The following ANXA4 variants were observed in gnomAD, a reference collection of about 807,000 sequenced individuals.
ANXA4 encodes 35-beta calcimedin.
In ANXA4, 39 loss-of-function variants were observed where a neutral mutation model predicts 49.8. The ratio of observed to expected loss-of-function variants is 0.78; its 90% confidence interval spans 0.61 to 1.02. The LOEUF is 1.02. Among genes scored for constraint, ANXA4 ranks in the 50% least tolerant of loss-of-function variants. The pLI, the probability that ANXA4 is intolerant of heterozygous loss-of-function variation, is 0.00. For synonymous variants in ANXA4, 134 were observed against 152.5 expected (o/e 0.88, Z 0.89); for missense variants, 360 against 410.1 (o/e 0.88, Z 1.05).
At chr2:69,708,809 G>A (rs1391041189) in intron 2 of ANXA4, among the ~76,000 whole-genome samples, 1 of 151,698 alleles carries the variant, frequency 6.6e-6, no homozygotes, top group Admixed American at 6.6e-5. Context: ...TTGAGGCCAG[G>A]AGTTCGAAAC....
intron 2 of ANXA4, among the ~76,000 whole-genome samples, chr2:69,668,949 T>C (rs1192812296): frequency 2.0e-5 from 3 of 152,044 alleles, no homozygotes; most frequent in African/African-American, 7.2e-5. Flanking sequence ...TTTTTTTTTT[T>C]TCTTGAAGGC....
chr2:69,753,237 GA>G lies in ANXA4; in HGVS notation c.-47+11063del, dbSNP rs1266244448. The stretch of plus-strand genomic sequence containing the variant: ...AAAATAAATTTTAAGTAAGGACTAT[GA>G]GTGCCTGCACACATAGCGAGTGGCA... On this transcript the variant is annotated intron_variant, in intron 1 of 12. Transcript: ENST00000394295. 7.9e-5 allele frequency among the ~76,000 whole-genome samples: 12 copies of G among 152,148 alleles called. 1 individual carries two copies. The highest frequency in any genetic ancestry group is 1.8e-4 in the Non-Finnish European group (12 of 68,038).
chr2:69,726,222 C>G (rs562179087), intron 3 of ANXA4, among the ~76,000 whole-genome samples: 1 of 152,254 alleles, frequency 6.6e-6, no homozygotes, highest in African/African-American at 2.4e-5. Context: ...GCACTTCCCC[C>G]CTCACTCTCT....
At chr2:69,812,732 T>C in intron 8 of ANXA4, 23 bp downstream of exon 8, 1 of 1,612,524 alleles carries the variant, frequency 6.2e-7, no homozygotes, top group Non-Finnish European at 8.5e-7. Context: ...GCAGCTTCTT[T>C]CTTCCAGCTT....
chr2:69,769,397 A>C (rs1253741281), intron 1 of ANXA4, among the ~76,000 whole-genome samples: 1 of 152,234 alleles, frequency 6.6e-6, no homozygotes, highest in Non-Finnish European at 1.5e-5. Flanking sequence ...AAATCAGGTA[A>C]ACTAGGTGTT....
intron 3 of ANXA4, among the ~76,000 whole-genome samples, chr2:69,735,508 G>A (rs893858972): frequency 6.6e-6 from 1 of 151,924 alleles, no homozygotes; most frequent in African/African-American, 2.4e-5. Flanking sequence ...CATCTTCCTT[G>A]CCCCAACACC....
At chr2:69,723,807 C>G (rs376300751) in intron 3 of ANXA4, among the ~76,000 whole-genome samples, 2 of 152,204 alleles carry the variant, frequency 1.3e-5, no homozygotes, top group African/African-American at 4.8e-5. Context: ...ACGTTGGTCT[C>G]CTAAAGTGCT....
chr2:69,665,060 G>A (rs1333198155), intron 2 of ANXA4, among the ~76,000 whole-genome samples: 6 of 152,232 alleles, frequency 3.9e-5, no homozygotes, highest in East Asian at 3.9e-4. Flanking sequence ...CTGAGATCGC[G>A]CCACTGCATT....
intron 2 of ANXA4, among the ~76,000 whole-genome samples, chr2:69,684,568 G>C (rs1314247521): frequency 6.8e-6 from 1 of 147,838 alleles, no homozygotes; most frequent in South Asian, 2.1e-4. Context: ...TGCACCTGTA[G>C]TCCCAGCTAC....
intron 3 of ANXA4, among the ~76,000 whole-genome samples, chr2:69,732,738 A>G (rs1174840883): frequency 6.6e-6 from 1 of 152,178 alleles, no homozygotes; most frequent in Admixed American, 6.5e-5. Context: ...AGCCTGGGCA[A>G]TAAGAGCAAA....
chr2:69,653,445 C>T (rs187922183), intron 2 of ANXA4, among the ~76,000 whole-genome samples: 1 of 152,338 alleles, frequency 6.6e-6, no homozygotes, highest in Non-Finnish European at 1.5e-5. Flanking sequence ...ATACTCACCT[C>T]ATCCTTAGAT....
chr2:69,756,934 A>ATT (rs201747072), intron 1 of ANXA4, among the ~76,000 whole-genome samples: 23,935 of 135,260 alleles, frequency 0.18, 2,542 homozygotes, highest in East Asian at 0.48. Context: ...ATTAATTATT[A>ATT]TTTTTTTTTT....
At chr2:69,812,795 T>C (rs573251317) in intron 8 of ANXA4, 86 bp downstream of exon 8, 30 of 1,137,844 alleles carry the variant, frequency 2.6e-5, no homozygotes, top group Non-Finnish European at 3.6e-5. Flanking sequence ...CAACTTATAT[T>C]ACAGTGTATA....
At chr2:69,669,145 A>C (rs1305051643) in intron 2 of ANXA4, among the ~76,000 whole-genome samples, 5 of 151,228 alleles carry the variant, frequency 3.3e-5, no homozygotes, top group African/African-American at 9.7e-5. Context: ...GGGTTTCACC[A>C]TTTTGGCCAG....
At chr2:69,668,897 A>C (rs901093134) in intron 2 of ANXA4, among the ~76,000 whole-genome samples, 3 of 150,996 alleles carry the variant, frequency 2.0e-5, no homozygotes, top group African/African-American at 7.3e-5. Flanking sequence ...AATTAAAATT[A>C]TTTATTTAAA....
chr2:69,803,337 C>G (rs6546549), intron 3 of ANXA4: 40,267 of 152,038 alleles, frequency 0.26, 5,802 homozygotes, highest in Admixed American at 0.45. Flanking sequence ...TTTCATTTCT[C>G]CCTGAAATAT....
chr2:69,804,280 A>G (rs1449949226), intron 3 of ANXA4, among the ~76,000 whole-genome samples: 4 of 152,150 alleles, frequency 2.6e-5, no homozygotes, highest in Non-Finnish European at 5.9e-5. Flanking sequence ...GTCATCATTC[A>G]CATTTGCAGA....
intron 2 of ANXA4, among the ~76,000 whole-genome samples, chr2:69,704,900 A>G (rs924650556): frequency 6.6e-6 from 1 of 152,138 alleles, no homozygotes; most frequent in Non-Finnish European, 1.5e-5. Context: ...ATTTAAATTA[A>G]TAAATCCTCC....
chr2:69,820,968 T>A (rs1489064965), intron 12 of ANXA4, 147 bp downstream of exon 12: 3 of 936,274 alleles, frequency 3.2e-6, no homozygotes, highest in Non-Finnish European at 3.0e-6. Context: ...CTCTCCTCTT[T>A]CACACAGATA....
Sources: gnomAD v4.1 joint callset for allele counts (sites outside exome capture counted in the v4.1 genomes callset) on GRCh38, gnomAD v4.1.1 for gene constraint, MANE v1.5 for transcripts, NCBI Gene and HGNC (gene_info 2026-07-23, HGNC 2026-07-21) for gene names.